The following SHANK2 variants were observed in gnomAD, a reference collection of about 807,000 sequenced individuals.
The protein encoded by SHANK2 is SH3 and multiple ankyrin repeat domains protein 2.
In SHANK2, 43 loss-of-function variants were observed where a neutral mutation model predicts 133.7. The ratio of observed to expected loss-of-function variants is 0.32; its 90% CI spans 0.25 to 0.41. The LOEUF is 0.41. Among genes scored for constraint, SHANK2 ranks in the 10% least tolerant of loss-of-function variants. The pLI, the probability that SHANK2 is intolerant of heterozygous loss-of-function variation, is 1.00. For missense variants in SHANK2, 1,994 were observed against 2,235.8 expected, an observed-to-expected ratio of 0.89 and a Z score of 2.18; for synonymous variants, 1,017 against 952.8, an observed-to-expected ratio of 1.07 and a Z score of -1.24.
At chr11:71,143,569 G>C (rs1555106176) in intron 3 of SHANK2, among the ~76,000 whole-genome samples, 1 of 152,060 alleles carries the variant, frequency 6.6e-6, no homozygotes, top group African/African-American at 2.4e-5. Flanking sequence ...TTTTGTTGGT[G>C]ATTTTGCCAT....
At chr11:70,613,488 C>A (rs1554994973) in intron 17 of SHANK2, among the ~76,000 whole-genome samples, 4 of 152,150 alleles carry the variant, frequency 2.6e-5, no homozygotes, top group African/African-American at 9.7e-5. Flanking sequence ...CAGGCATGAG[C>A]CGCCGCACCC....
At chr11:70,720,515 G>A (rs1425489669) in intron 14 of SHANK2, among the ~76,000 whole-genome samples, 1 of 152,246 alleles carries the variant, frequency 6.6e-6, no homozygotes, top group Non-Finnish European at 1.5e-5. Context: ...GAGAACCCAT[G>A]AGGGTGTGTG....
At chr11:70,822,243 G>A (rs1490914641) in intron 11 of SHANK2, among the ~76,000 whole-genome samples, 2 of 152,228 alleles carry the variant, frequency 1.3e-5, no homozygotes, top group Non-Finnish European at 2.9e-5. Flanking sequence ...GCTTGGCTCC[G>A]AAGTTTCCAC....
chr11:70,538,733 G>A (rs2059576508), intron 17 of SHANK2, among the ~76,000 whole-genome samples: 1 of 152,184 alleles, frequency 6.6e-6, no homozygotes, highest in African/African-American at 2.4e-5. Context: ...CCAGCCAGGG[G>A]GCAGAACAGC....
chr11:70,564,711 A>G (rs1318735427), intron 17 of SHANK2, among the ~76,000 whole-genome samples: 2 of 151,924 alleles, frequency 1.3e-5, no homozygotes, highest in Non-Finnish European at 2.9e-5. Flanking sequence ...TTCACTCAGG[A>G]TAGTTTCTAT....
chr11:70,475,030 C>T (rs782579324), intron 25 of SHANK2: 1 of 152,508 alleles, frequency 6.6e-6, no homozygotes, highest in Non-Finnish European at 1.5e-5. Flanking sequence ...GAGCTGCAAA[C>T]AGTAGAGATG....
chr11:70,661,694 C>G lies in SHANK2; in HGVS notation c.1854-16G>C, dbSNP rs782089751. On this transcript the variant is annotated splice_polypyrimidine_tract_variant and intron_variant, in intron 15 of 25. Transcript: ENST00000601538. The stretch of plus-strand genomic sequence containing the variant: ...AATGCAGTCACTGTAGAGAGAATTC[C>G]GGGGACAGCGACCATTATTGTAGCC... 1.9e-6 allele frequency: 3 copies of G among 1,614,140 alleles called. No individual in the cohort carries two copies. In the South Asian group the frequency reaches 3.3e-5, roughly 18 times the overall value.
intron 10 of SHANK2, among the ~76,000 whole-genome samples, chr11:70,954,693 C>T (rs996768934): frequency 9.8e-5 from 15 of 152,362 alleles, no homozygotes; most frequent in East Asian, 9.6e-4. Flanking sequence ...CCATTGCCAA[C>T]GGCATTCCTG....
intron 3 of SHANK2, among the ~76,000 whole-genome samples, chr11:71,139,003 C>G (rs80158946): frequency 2.0e-5 from 3 of 152,124 alleles, no homozygotes; most frequent in African/African-American, 7.2e-5. Flanking sequence ...AGAGGGAGGA[C>G]AGCTGAGTGA....
intron 8 of SHANK2, among the ~76,000 whole-genome samples, chr11:71,090,625 C>CTGTGTGTG (rs782587800): frequency 1.6e-4 from 16 of 102,958 alleles, no homozygotes; most frequent in Non-Finnish European, 2.3e-4. Flanking sequence ...AACACAACCT[C>CTGTGTGTG]TGTGTGTGTG....
intron 10 of SHANK2, among the ~76,000 whole-genome samples, chr11:70,941,857 T>C (rs1219135313): frequency 6.6e-6 from 1 of 150,400 alleles, no homozygotes; most frequent in African/African-American, 2.4e-5. Context: ...TAATATAATA[T>C]ATAATAATAA....
intron 11 of SHANK2, among the ~76,000 whole-genome samples, chr11:70,861,086 G>A (rs1949251874): frequency 6.6e-6 from 1 of 152,184 alleles, no homozygotes; most frequent in African/African-American, 2.4e-5. Context: ...CCCCTCTGCA[G>A]GCACTGTCAG....
chr11:70,539,453 C>A (rs782598507), intron 17 of SHANK2, among the ~76,000 whole-genome samples: 2 of 109,664 alleles, frequency 1.8e-5, no homozygotes, highest in Non-Finnish European at 3.9e-5. Flanking sequence ...GCTGTGACAC[C>A]GCGGTCTGGG....
intron 10 of SHANK2, among the ~76,000 whole-genome samples, chr11:70,947,132 AACACACACACACACACAC>A (rs144004521): frequency 3.6e-4 from 46 of 126,584 alleles, no homozygotes; most frequent in African/African-American, 9.6e-4. Context: ...GCACCTCTCC[AACACACACACACACACAC>A]ACACACACAC....
intron 10 of SHANK2, among the ~76,000 whole-genome samples, chr11:70,902,583 T>C (rs1297046591): frequency 1.3e-5 from 2 of 152,224 alleles, no homozygotes; most frequent in Admixed American, 6.5e-5. Context: ...ATGATTGACA[T>C]CCTGCATTTG....
chr11:70,782,400 CT>C (rs1189747896), intron 14 of SHANK2, among the ~76,000 whole-genome samples: 1 of 152,242 alleles, frequency 6.6e-6, no homozygotes, highest in African/African-American at 2.4e-5. Flanking sequence ...GAAAACCAGC[CT>C]CCCTGGCATA....
intron 10 of SHANK2, among the ~76,000 whole-genome samples, chr11:70,908,300 A>T: frequency 6.6e-6 from 1 of 152,166 alleles, no homozygotes; most frequent in Non-Finnish European, 1.5e-5. Flanking sequence ...ATGGCCTCAC[A>T]TGGGCCTCGC....
intron 14 of SHANK2, among the ~76,000 whole-genome samples, chr11:70,747,936 T>C (rs1555036637): frequency 6.6e-6 from 1 of 152,168 alleles, no homozygotes; most frequent in Non-Finnish European, 1.5e-5. Context: ...TGTGAATGTG[T>C]GTGTATACAT....
rs149805450 is a variant in SHANK2 at position 71,151,334 on chromosome 11, C to T, written c.-12-3996G>A. ...CCACTGTTGACTCCCAGCGCTCTTC[C>T]GGTGTGGGAAGAGCCTGCCGGGTAG... On this transcript the variant is annotated intron_variant, in intron 2 of 25. Coordinates refer to ENST00000601538, the MANE Select transcript of SHANK2 (RefSeq NM_012309.5). Among the ~76,000 whole-genome samples the T allele has an allele frequency of 2.3e-3, 353 of 152,218 alleles. 11 individuals are homozygous for T. In the East Asian group the frequency reaches 0.053, roughly 23 times the overall value.
Sources: gnomAD v4.1 joint callset for allele counts (sites outside exome capture counted in the v4.1 genomes callset) on GRCh38, gnomAD v4.1.1 for gene constraint, MANE v1.5 for transcripts, NCBI Gene and HGNC (gene_info 2026-07-23, HGNC 2026-07-21) for gene names.